UMODL1: variants seen among roughly 807,000 people sequenced by gnomAD.
UMODL1 encodes the protein uromodulin like 1.
Under a neutral mutation model 136.3 loss-of-function variants are expected in UMODL1, and 128 were observed. That is an observed-to-expected ratio of 0.94 (90% CI 0.81 to 1.09). The LOEUF is 1.09. Among genes scored for constraint, UMODL1 ranks in the 50% least tolerant of loss-of-function variants. The pLI, the probability that UMODL1 is intolerant of heterozygous loss-of-function variation, is 0.00. For missense variants in UMODL1, 1,766 were observed against 1,725.6 expected, an observed-to-expected ratio of 1.02 and a Z score of -0.41; for synonymous variants, 721 against 720.0, an observed-to-expected ratio of 1.00 and a Z score of -0.02.
At chr21:42,082,347 G>A (rs773159841) in intron 2 of UMODL1, among the ~76,000 whole-genome samples, 4 of 152,176 alleles carry the variant, frequency 2.6e-5, no homozygotes, top group Admixed American at 6.5e-5. Flanking sequence ...CCAATCCCAC[G>A]AGTTTTCCCC....
chr21:42,091,575 A>G (rs2066492812), intron 6 of UMODL1, among the ~76,000 whole-genome samples: 1 of 152,268 alleles, frequency 6.6e-6, no homozygotes, highest in Non-Finnish European at 1.5e-5. Flanking sequence ...GATTCCGGCA[A>G]CATTTTAGAG....
rs563338946 is a variant in UMODL1 at position 42,119,155 on chromosome 21, T to C, written c.2520T>C (p.Ala840=). 2.5e-5 allele frequency: 41 copies of C among 1,613,952 alleles called. No homozygotes were observed. In the East Asian group the frequency reaches 8.0e-4, roughly 32 times the overall value. ...CCACCATGTGTCAGCACATGGACGC[T>C]GGTGGGGTCAGGATGGAAGTCGTCA... The part of the protein sequence containing the change: ...LPATMCQHMD[A]GGVRMEVVSV... Residue 840 remains alanine, a synonymous_variant, in exon 15 of 23, where the codon GCT becomes GCC. Transcript: ENST00000408910.
At position 42,099,081 on chromosome 21, in the gene UMODL1, C is replaced by A. The variant is rs1323516870; in HGVS notation, c.1087C>A (p.Leu363Met). The A allele has an allele frequency of 6.2e-7, 1 of 1,614,096 alleles. No homozygotes were observed. The highest frequency in any genetic ancestry group is 1.7e-5 in the Admixed American group (1 of 60,012). The change falls in exon 7 of 23, where the codon CTG (leucine) becomes ATG (methionine). Residue 363 changes from leucine to methionine, a missense_variant. Leu to Met is a conservative substitution (Grantham distance 15). Coordinates refer to ENST00000408910, the MANE Select transcript of UMODL1 (RefSeq NM_001004416.3). The surrounding 1 kb of genome is among the most constrained non-coding windows in gnomAD (Gnocchi z 4.1). ...GAGCGCCAGGACACAGAGCCAGGCA[C>A]TGGCAGTGGCTGGGCTGGAGGCTGG... ...LRSARTQSQA[L>M]AVAGLEAGVL...
At chr21:42,074,873 A>C (rs1249316489) in intron 1 of UMODL1, among the ~76,000 whole-genome samples, 1 of 150,286 alleles carries the variant, frequency 6.7e-6, no homozygotes, top group Non-Finnish European at 1.5e-5. Context: ...TACAGGCACC[A>C]GCCACCACAA....
Position 42,072,334 on chromosome 21 carries a change from A to G in UMODL1, c.76+942A>G, listed in dbSNP as rs575560005. Among the ~76,000 whole-genome samples, 10 of 152,374 alleles carry G rather than the reference A, an allele frequency of 6.6e-5. No homozygotes were observed. In the South Asian group the frequency reaches 1.9e-3, roughly 28 times the overall value. Reference sequence around the variant, plus strand: ...ATCTGTCATATTCAGTTACAAATTTAAAGGAATCCATTCTGTTTCTAAAAT... The same window carrying G: ...ATCTGTCATATTCAGTTACAAATTTGAAGGAATCCATTCTGTTTCTAAAAT... On this transcript the variant is annotated intron_variant, in intron 1 of 22. Transcript: ENST00000408910.
chr21:42,122,650 T>TGC lies in UMODL1; in HGVS notation c.2828-180_2828-179dup, dbSNP rs377256497. 5.9e-4 allele frequency among the ~76,000 whole-genome samples: 84 copies of TGC among 142,770 alleles called. No individual in the cohort carries two copies. The highest frequency in any genetic ancestry group is 2.1e-3 in the African/African-American group (75 of 36,550). The allele number at this position is 142,770 out of a possible 152,430, so 93.7% of individuals were successfully genotyped here. ...GCATGCACGTGTGTGTACGTGTGTG[T>TGC]GCATATGTGTGCGTGTGTGTGTGTG... On this transcript the variant is annotated intron_variant, in intron 16 of 22. Transcript: ENST00000408910. This position sits in a 1 kb window ranked among gnomAD's most constrained non-coding sequence, Gnocchi z 4.3.
intron 6 of UMODL1, among the ~76,000 whole-genome samples, chr21:42,095,984 C>T (rs1366575701): frequency 6.6e-6 from 1 of 152,140 alleles, no homozygotes; most frequent in African/African-American, 2.4e-5. Context: ...TAATTTATAG[C>T]TCCCTGCAAG....
rs1258058866 is a variant in UMODL1, at chr21:42,113,618, C to A, written c.2150C>A (p.Thr717Asn). Residue 717 changes from threonine (T) to asparagine (N), a missense_variant, in exon 13 of 23, where the codon ACC (threonine) becomes AAC (asparagine). Physicochemically the swap from Thr to Asn is moderately conservative, Grantham distance 65. Transcript: ENST00000408910. ...ATCATGGTCTCCAATGTGACCAGCA[C>A]CGGCTTCCACCTGGCATGGGAGGCG... ...GRIMVSNVTS[T>N]GFHLAWEADL... The A allele has an allele frequency of 6.2e-7, 1 of 1,614,120 alleles. No individual in the cohort carries two copies. The highest frequency in any genetic ancestry group is 8.5e-7 in the Non-Finnish European group (1 of 1,180,036).
Position 42,102,288 on chromosome 21 carries a change from C to G in UMODL1, c.1299+10C>G, listed in dbSNP as rs766131604. On this transcript the variant is annotated intron_variant, in intron 8 of 22. Transcript: ENST00000408910. Reference sequence around the variant, plus strand: ...ACAACTGCTTCACGAGGTAAAGCCACAATGCAGACAGAAATCTTTTCTTGG... The same window carrying G: ...ACAACTGCTTCACGAGGTAAAGCCAGAATGCAGACAGAAATCTTTTCTTGG... 1 of 1,572,218 alleles carries G rather than the reference C, an allele frequency of 6.4e-7. No homozygotes were observed. Among genetic ancestry groups the G allele is most frequent in the East Asian group, 2.2e-5 (1 of 44,506 alleles).
intron 6 of UMODL1, among the ~76,000 whole-genome samples, chr21:42,098,658 C>T (rs1448524520): frequency 6.6e-6 from 1 of 152,084 alleles, no homozygotes; most frequent in Non-Finnish European, 1.5e-5. Flanking sequence ...ATCCCAGCTA[C>T]TCGGGAGGCT....
intron 5 of UMODL1, 42 bp downstream of exon 5, chr21:42,088,522 T>C (rs2146447319): frequency 1.3e-6 from 2 of 1,551,410 alleles, no homozygotes; most frequent in Non-Finnish European, 1.8e-6. Context: ...GGCTGCAGGG[T>C]GGTGCCTGAA....
intron 12 of UMODL1, 102 bp downstream of exon 12, chr21:42,111,812 T>A: frequency 8.4e-7 from 1 of 1,196,772 alleles, no homozygotes; most frequent in Non-Finnish European, 1.1e-6. Flanking sequence ...CGCAGGCTGC[T>A]AGCAATGCTC....
chr21:42,123,061 A>T lies in UMODL1; in HGVS notation c.3058A>T (p.Ser1020Cys), dbSNP rs2067000118. 1.9e-6 allele frequency: 3 copies of T among 1,613,932 alleles called. No individual in the cohort carries two copies. The highest frequency in any genetic ancestry group is 3.3e-5 in the Admixed American group (2 of 59,994). ...ESIPESSLYL[S>C]HPSCNVSHSN... ...CATCCCCGAGTCCTCGTTGTACCTC[A>T]GCCACCCCTCCTGCAACGTGAGCCA... is the stretch of plus-strand genomic sequence containing the variant. The change falls in exon 17 of 23, where the codon AGC (serine) becomes TGC (cysteine). Residue 1020 changes from serine (S) to cysteine (C), a missense_variant. Coordinates refer to ENST00000408910, the MANE Select transcript of UMODL1 (RefSeq NM_001004416.3). The surrounding 1 kb of genome is among the most constrained non-coding windows in gnomAD (Gnocchi z 4.4).
Position 42,110,949 on chromosome 21 carries a change from C to A in UMODL1, c.1727C>A (p.Thr576Lys). The A allele has an allele frequency of 1.2e-6, 2 of 1,613,100 alleles. No individual in the cohort carries two copies. Among genetic ancestry groups the A allele is most frequent in the Non-Finnish European group, 1.7e-6 (2 of 1,179,800 alleles). Residue 576 changes from threonine to lysine, a missense_variant, in exon 11 of 23, where the codon ACG becomes AAG. Physicochemically the swap from Thr to Lys is moderately conservative, Grantham distance 78. Transcript: ENST00000408910. ...ATGVTVPGLG[T>K]GTAALGLENF... Reference sequence around the variant, plus strand: ...GGGGTAACGGTCCCAGGTCTTGGCACGGGAACAGCAGCCCTCGGCCTAGAG... The same window carrying A: ...GGGGTAACGGTCCCAGGTCTTGGCAAGGGAACAGCAGCCCTCGGCCTAGAG...
rs76069348 is a variant in UMODL1, at chr21:42,083,991, T to C, written c.320-93T>C. Reference sequence around the variant, plus strand: ...CAGGCCACAGACCTACAGGCAGAATTCAGCACCAGGAAGCACCGACGTGAG... The same window carrying C: ...CAGGCCACAGACCTACAGGCAGAATCCAGCACCAGGAAGCACCGACGTGAG... On this transcript the variant is annotated intron_variant, in intron 2 of 22. Transcript: ENST00000408910. 3.3e-3 allele frequency: 4,922 copies of C among 1,481,508 alleles called. 135 individuals carry two copies. The African/African-American group carries it at 0.059, about 18-fold the overall frequency. 91.8% of individuals were successfully genotyped at this position (1,481,508 alleles called of 1,614,324 possible).
At chr21:42,088,533 C>T (rs940013380) in intron 5 of UMODL1, 53 bp downstream of exon 5, 2 of 1,520,180 alleles carry the variant, frequency 1.3e-6, no homozygotes, top group African/African-American at 1.4e-5. Flanking sequence ...GGTGCCTGAA[C>T]AGCCAAAATG....
At chr21:42,105,373 C>T (rs746603089) in intron 9 of UMODL1, among the ~76,000 whole-genome samples, 4 of 152,168 alleles carry the variant, frequency 2.6e-5, no homozygotes, top group Non-Finnish European at 5.9e-5. Flanking sequence ...CTGCCTCCCT[C>T]CTCCCATCCT....
intron 18 of UMODL1, 43 bp from the exon 19 acceptor site, chr21:42,126,963 C>T (rs200082036): frequency 2.6e-5 from 39 of 1,502,264 alleles, no homozygotes; most frequent in Admixed American, 1.8e-4. Context: ...CACGATAATG[C>T]GCCTCCTGAA....
chr21:42,128,046 C>A (rs993129734), intron 20 of UMODL1: 1 of 676,522 alleles, frequency 1.5e-6, no homozygotes, highest in African/African-American at 1.8e-5. Context: ...GTGGGCATTT[C>A]CCATTTCTCA....
Sources: gnomAD v4.1 joint callset for allele counts (sites outside exome capture counted in the v4.1 genomes callset) on GRCh38, gnomAD v4.1.1 for gene constraint, Gnocchi (gnomAD v3.1) non-coding constraint, MANE v1.5 for transcripts, NCBI Gene and HGNC (gene_info 2026-07-23, HGNC 2026-07-21) for gene names.